The following LSP1 variants were observed in gnomAD, a reference collection of about 807,000 sequenced individuals.
LSP1 encodes the protein lymphocyte specific protein 1.
A neutral mutation model predicts 49.3 loss-of-function variants in LSP1; 32 were observed. The ratio of observed to expected loss-of-function variants is 0.65; its 90% CI spans 0.49 to 0.87. LSP1 has a LOEUF of 0.87. Among genes scored for constraint, LSP1 ranks in the 40% least tolerant of loss-of-function variants. The probability of loss-of-function intolerance (pLI) is 0.00; values close to 1 mark genes in which losing one functional copy is unlikely to be tolerated. For missense variants in LSP1, 428 were observed against 442.6 expected (o/e 0.97, Z 0.30); for synonymous variants, 179 against 178.8 (o/e 1.00, Z -0.01).
chr11:1,868,073 C>G (rs1421703708), intron 1 of LSP1, among the ~76,000 whole-genome samples: 1 of 152,216 alleles, frequency 6.6e-6, no homozygotes, highest in Non-Finnish European at 1.5e-5. Context: ...CAACTCGGGG[C>G]TCTCCCAGGG....
chr11:1,856,213 C>G (rs1231626808), intron 1 of LSP1, among the ~76,000 whole-genome samples: 1 of 152,228 alleles, frequency 6.6e-6, no homozygotes, highest in African/African-American at 2.4e-5. Flanking sequence ...ACCCTACCCC[C>G]AGTCTGTTCC....
chr11:1,874,334 G>A (rs1848218452), intron 1 of LSP1, among the ~76,000 whole-genome samples: 1 of 143,000 alleles, frequency 7.0e-6, no homozygotes, highest in African/African-American at 2.6e-5. Flanking sequence ...GACAGTGGGG[G>A]CAGGCTGGGG....
chr11:1,870,956 C>A, intron 1 of LSP1: 1 of 985,818 alleles, frequency 1.0e-6, no homozygotes, highest in Non-Finnish European at 1.2e-6. Flanking sequence ...GAGGCGCAGC[C>A]GGGCTGTCGG....
In LSP1 at chr11:1,881,557, C is replaced by T; in HGVS notation, c.317C>T (p.Pro106Leu). Residue 106 changes from proline to leucine, a missense_variant, in exon 3 of 11, where the codon CCC (proline) becomes CTC (leucine). By Grantham distance (98) the Pro-to-Leu change is moderately conservative. Coordinates refer to ENST00000311604, the MANE Select transcript of LSP1 (RefSeq NM_002339.3). Reference protein sequence around the residue: ...GAQGALDSGEPPQCRSPEGEQ... With the variant: ...GAQGALDSGELPQCRSPEGEQ... ...CAGGGCGCCTTGGACAGCGGAGAGC[C>T]CCCCCAGTGCAGGAGTCCTGAGGGG... 1.3e-6 allele frequency: 2 copies of T among 1,538,398 alleles called. No individual in the cohort carries two copies. The highest frequency in any genetic ancestry group is 1.8e-6 in the Non-Finnish European group (2 of 1,140,750).
At chr11:1,858,360 C>A (rs1847540411) in intron 1 of LSP1, among the ~76,000 whole-genome samples, 1 of 152,252 alleles carries the variant, frequency 6.6e-6, no homozygotes, top group African/African-American at 2.4e-5. Context: ...CACCAGAGCA[C>A]TGCTCATGGC....
At chr11:1,887,633 G>A in intron 10 of LSP1, 57 bp downstream of exon 10, 1 of 1,443,970 alleles carries the variant, frequency 6.9e-7, no homozygotes, top group Non-Finnish European at 9.6e-7. Flanking sequence ...CACTGTGCTG[G>A]GAACTTGGCA....
At chr11:1,873,602 G>A (rs1357175941) in intron 1 of LSP1, among the ~76,000 whole-genome samples, 1 of 150,918 alleles carries the variant, frequency 6.6e-6, no homozygotes, top group Non-Finnish European at 1.5e-5. Context: ...GGATGGAGAA[G>A]GGAGGAAGGG....
At chr11:1,872,140 C>T (rs1848049245) in intron 1 of LSP1, among the ~76,000 whole-genome samples, 1 of 141,064 alleles carries the variant, frequency 7.1e-6, no homozygotes, top group Admixed American at 7.1e-5. Flanking sequence ...CAGGCCTGGG[C>T]TGCAGTCACC....
At chr11:1,854,627 G>A (rs949703628) in intron 1 of LSP1, among the ~76,000 whole-genome samples, 9 of 152,286 alleles carry the variant, frequency 5.9e-5, no homozygotes, top group Non-Finnish European at 1.2e-4. Context: ...AGCAGAGGCC[G>A]GGGCTGGCTG....
intron 1 of LSP1, 80 bp downstream of exon 1, chr11:1,853,277 A>G: frequency 6.9e-7 from 1 of 1,454,324 alleles, no homozygotes; most frequent in East Asian, 2.4e-5. Flanking sequence ...AGGGTGGAGA[A>G]CTGAGGTGCC....
intron 1 of LSP1, among the ~76,000 whole-genome samples, chr11:1,877,324 A>C (rs1848353752): frequency 6.6e-6 from 1 of 152,164 alleles, no homozygotes; most frequent in Non-Finnish European, 1.5e-5. Flanking sequence ...GAAGGGGCCC[A>C]GAGGCCTCCA....
rs1296365145 is a variant in LSP1, at chr11:1,884,461, G to A, written c.636-39G>A. ...GCTTGGGCAGGTTGGGAGAAGCCTT[G>A]TGGGAGACATGGGGCCTGACACATC... is the stretch of plus-strand genomic sequence containing the variant. On this transcript the variant is annotated intron_variant, in intron 6 of 10. Transcript: ENST00000311604. This position sits in a 1 kb window ranked among gnomAD's most constrained non-coding sequence, Gnocchi z 4.1. The A allele has an allele frequency of 6.2e-7, 1 of 1,606,140 alleles. No homozygotes were observed. Among genetic ancestry groups the A allele is most frequent in the Non-Finnish European group, 8.5e-7 (1 of 1,172,838 alleles).
chr11:1,869,008 A>G, intron 1 of LSP1: 1 of 987,010 alleles, frequency 1.0e-6, no homozygotes, highest in South Asian at 4.7e-5. Flanking sequence ...GGGGTTAACC[A>G]CAGAGGTCTC....
At chr11:1,868,908 C>T (rs576844865) in intron 1 of LSP1, 44 of 985,928 alleles carry the variant, frequency 4.5e-5, no homozygotes, top group Middle Eastern at 5.2e-4. Flanking sequence ...CTGCTGGAAC[C>T]GTAAAGGGGA....
At chr11:1,889,593 T>C (rs565122998) in intron 10 of LSP1, 5 of 611,818 alleles carry the variant, frequency 8.2e-6, no homozygotes, top group African/African-American at 1.9e-5. Context: ...GGGTGCAACT[T>C]TGGGGACAGG....
intron 10 of LSP1, chr11:1,889,806 C>A: frequency 1.6e-6 from 1 of 640,984 alleles, no homozygotes; most frequent in South Asian, 1.8e-5. Flanking sequence ...ACTAGCCTCT[C>A]TGGGCACTGA....
chr11:1,875,706 G>A (rs1848279143), intron 1 of LSP1, among the ~76,000 whole-genome samples: 2 of 152,362 alleles, frequency 1.3e-5, no homozygotes, highest in South Asian at 4.1e-4. Flanking sequence ...GCCACAACCG[G>A]GAAGGTGCTA....
chr11:1,882,042 C>T (rs1183683481), intron 3 of LSP1, among the ~76,000 whole-genome samples: 1 of 152,158 alleles, frequency 6.6e-6, no homozygotes, highest in Non-Finnish European at 1.5e-5. Context: ...GGCTGATCTC[C>T]ATTCCCACGG....
intron 1 of LSP1, among the ~76,000 whole-genome samples, chr11:1,872,440 G>C (rs549633564): frequency 1.9e-5 from 2 of 108,074 alleles, no homozygotes; most frequent in African/African-American, 7.3e-5. Flanking sequence ...ATCCTGGTGC[G>C]TGCTGGTAGA....
Sources: gnomAD v4.1 joint callset for allele counts (sites outside exome capture counted in the v4.1 genomes callset) on GRCh38, gnomAD v4.1.1 for gene constraint, Gnocchi (gnomAD v3.1) non-coding constraint, MANE v1.5 for transcripts, NCBI Gene and HGNC (gene_info 2026-07-23, HGNC 2026-07-21) for gene names.